FBN1: variants seen among roughly 807,000 people sequenced by gnomAD.
The protein encoded by FBN1 is fibrillin-1.
FBN1 carries 29 observed loss-of-function variants against 365.1 expected under a neutral mutation model. The ratio of observed to expected loss-of-function variants is 0.08; its 90% confidence interval spans 0.06 to 0.11. The LOEUF (loss-of-function observed/expected upper bound fraction) is 0.11, where lower values mean the gene tolerates loss of function less well. Among genes scored for constraint, FBN1 ranks in the 10% least tolerant of loss-of-function variants. FBN1 has a pLI of 1.00. For synonymous variants in FBN1, 1,210 were observed against 1,270.5 expected, an observed-to-expected ratio of 0.95 and a Z score of 1.01; for missense variants, 2,476 against 3,703.2, an observed-to-expected ratio of 0.67 and a Z score of 8.60.
Position 48,494,269 on chromosome 15 carries a change from G to A in FBN1, c.2678-15C>T, listed in dbSNP as rs181681840. 6.0e-4 allele frequency: 968 copies of A among 1,608,328 alleles called. 5 individuals carry two copies. In the African/African-American group the frequency reaches 0.01, roughly 17 times the overall value. ...ACATATGGGATCTGTAATAAAAAGC[G>A]AAAAACAAAACAGAAAACAAATTTG... On this transcript the variant is annotated splice_polypyrimidine_tract_variant and intron_variant, in intron 22 of 65. Coordinates refer to ENST00000316623, the MANE Select transcript of FBN1 (RefSeq NM_000138.5).
chr15:48,585,651 G>T (rs2044429999), intron 6 of FBN1, among the ~76,000 whole-genome samples: 1 of 152,134 alleles, frequency 6.6e-6, no homozygotes, highest in Non-Finnish European at 1.5e-5. Context: ...TCTAAGCTTG[G>T]TAGTGAAATA....
At chr15:48,488,650 T>G (rs2043530735) in intron 25 of FBN1, among the ~76,000 whole-genome samples, 157 bp from the exon 26 acceptor site, 1 of 152,232 alleles carries the variant, frequency 6.6e-6, no homozygotes, top group African/African-American at 2.4e-5. Flanking sequence ...ATGAGATATA[T>G]GACTTTGTAA....
chr15:48,517,388 A>G (rs181398573), intron 10 of FBN1, among the ~76,000 whole-genome samples: 2 of 152,314 alleles, frequency 1.3e-5, no homozygotes, highest in Non-Finnish European at 2.9e-5. Flanking sequence ...AAAGAAAGCA[A>G]TATCAATGGA....
At chr15:48,456,220 G>A (rs1047921939) in intron 44 of FBN1, among the ~76,000 whole-genome samples, 3 of 152,216 alleles carry the variant, frequency 2.0e-5, no homozygotes, top group African/African-American at 7.2e-5. Flanking sequence ...TGGAATATCT[G>A]CATTAACCTT....
In FBN1 at chr15:48,596,367, T is replaced by C; in HGVS notation, c.454A>G (p.Ser152Gly). 1 of 1,613,992 alleles carries C rather than the reference T, an allele frequency of 6.2e-7. No homozygotes were observed. Among genetic ancestry groups the C allele is most frequent in the Non-Finnish European group, 8.5e-7 (1 of 1,179,880 alleles). The stretch of plus-strand genomic sequence containing the variant: ...CACCTTCCTCCATTGAGACAGCCAC[T>C]TTCACAAACAGCTGTAAAATAAGGA... ...GTHCGQPVCESGCLNGGRCVA... is the reference protein window; with the variant it reads ...GTHCGQPVCEGGCLNGGRCVA... The change falls in exon 6 of 66, where the codon AGT becomes GGT. Residue 152 changes from serine (S) to glycine (G), a missense_variant. By Grantham distance (56) the Ser-to-Gly change is moderately conservative (BLOSUM62 0). Transcript: ENST00000316623.
chr15:48,456,973 A>G (rs2043245793), intron 43 of FBN1, among the ~76,000 whole-genome samples: 1 of 151,900 alleles, frequency 6.6e-6, no homozygotes, highest in Non-Finnish European at 1.5e-5. Context: ...ACTGGATTTA[A>G]ATATATGTTC....
At chr15:48,499,518 A>C (rs2043637517) in intron 17 of FBN1, among the ~76,000 whole-genome samples, 1 of 152,188 alleles carries the variant, frequency 6.6e-6, no homozygotes, top group South Asian at 2.1e-4. Context: ...GAGCAACAAC[A>C]GAATACCTAC....
At chr15:48,511,987 A>G (rs189969279) in intron 13 of FBN1, among the ~76,000 whole-genome samples, 25 of 152,364 alleles carry the variant, frequency 1.6e-4, no homozygotes, top group Admixed American at 1.5e-3. Flanking sequence ...ATTAAACAAT[A>G]GTCATAATAT....
In FBN1 at chr15:48,409,414, C is replaced by T. The variant is rs2042843150; in HGVS notation, c.*1576G>A. On this transcript the variant is annotated 3_prime_UTR_variant, in exon 66 of 66. Coordinates refer to ENST00000316623, the MANE Select transcript of FBN1 (RefSeq NM_000138.5). ...CTGTGTCCTACCTAGTTTCTCCGCC[C>T]ACCACCTTCATGCCATCTTATTTCC... The T allele has an allele frequency of 1.3e-5, 2 of 152,178 alleles. No individual in the cohort carries two copies. The highest frequency in any genetic ancestry group is 4.8e-5 in the African/African-American group (2 of 41,448). 9.4% of individuals were successfully genotyped at this position (152,178 alleles called of 1,614,324 possible). A position where few individuals can be genotyped will look rare whatever the true frequency, so the allele number is the denominator to read the frequency against.
intron 10 of FBN1, among the ~76,000 whole-genome samples, chr15:48,520,438 C>G (rs924007672): frequency 1.3e-5 from 2 of 152,118 alleles, no homozygotes; most frequent in African/African-American, 4.8e-5. Context: ...TAGTAATAAG[C>G]CAGCTAAGTA....
In FBN1 at chr15:48,469,389, A is replaced by T. The variant is rs114914666; in HGVS notation, c.4460-855T>A. 5.2e-3 allele frequency among the ~76,000 whole-genome samples: 792 copies of T among 152,168 alleles called. 3 individuals are homozygous for T. The highest frequency in any genetic ancestry group is 0.018 in the African/African-American group (761 of 41,542). ...AGTGTGTTCCCTGAGGTCGGCAAGG[A>T]GTGTCTCTCCCATCATCCATGCTGA... On this transcript the variant is annotated intron_variant, in intron 36 of 65. Transcript: ENST00000316623.
At chr15:48,437,190 T>C in intron 52 of FBN1, 113 bp from the exon 53 acceptor site, 1 of 1,107,578 alleles carries the variant, frequency 9.0e-7, no homozygotes, top group Non-Finnish European at 1.4e-6. Context: ...AATAATATAA[T>C]TGCTATCTAA....
intron 34 of FBN1, among the ~76,000 whole-genome samples, chr15:48,473,671 A>T (rs760473629): frequency 1.9e-4 from 29 of 152,192 alleles, no homozygotes; most frequent in Admixed American, 8.5e-4. Flanking sequence ...GATAATGATG[A>T]TGATGATGGC....
chr15:48,429,292 T>G (rs911825022), intron 56 of FBN1, among the ~76,000 whole-genome samples: 4 of 152,200 alleles, frequency 2.6e-5, no homozygotes, highest in African/African-American at 9.7e-5. Context: ...TAGATTAATC[T>G]TCAGATTAAC....
intron 43 of FBN1, among the ~76,000 whole-genome samples, chr15:48,459,716 G>A (rs2043266665): frequency 6.6e-6 from 1 of 152,228 alleles, no homozygotes; most frequent in African/African-American, 2.4e-5. Flanking sequence ...CTCTCCCAAT[G>A]TTGTGTTCTC....
At chr15:48,434,858 C>T (rs1030598510) in intron 53 of FBN1, 145 bp from the exon 54 acceptor site, 16 of 969,918 alleles carry the variant, frequency 1.6e-5, no homozygotes, top group Non-Finnish European at 2.0e-5. Flanking sequence ...AGTGCTGTGG[C>T]GCGATTTCAG....
At chr15:48,506,937 T>C (rs188560147) in intron 15 of FBN1, among the ~76,000 whole-genome samples, 31 of 152,230 alleles carry the variant, frequency 2.0e-4, no homozygotes, top group Admixed American at 3.9e-4. Flanking sequence ...TCTCTCTCTC[T>C]CAGATCCTTA....
At chr15:48,491,741 C>G (rs2043560530) in intron 24 of FBN1, among the ~76,000 whole-genome samples, 1 of 152,166 alleles carries the variant, frequency 6.6e-6, no homozygotes, top group Non-Finnish European at 1.5e-5. Context: ...GCATCATTTC[C>G]AGAGTCATGA....
chr15:48,487,381 T>C lies in FBN1; in HGVS notation c.3394A>G (p.Thr1132Ala), dbSNP rs2141293669. The C allele has an allele frequency of 1.2e-6, 2 of 1,614,196 alleles. No homozygotes were observed. The highest frequency in any genetic ancestry group is 4.5e-5 in the East Asian group (2 of 44,888). The change falls in exon 28 of 66, where the codon ACA becomes GCA. Residue 1132 changes from threonine (T) to alanine (A), a missense_variant. This residue lies in a region of FBN1 where 1,780 missense variants were observed against 2,840.8 expected (regional missense o/e 0.63). Transcript: ENST00000316623. ...CATTCACAGCGGTAACTTCCCTCTG[T>C]GTTATGGCAAACACCACCTCGGCAT... ...LLCRGGVCHN[T>A]EGSYRCECPP...
Sources: allele counts gnomAD v4.1 joint callset (sites outside exome capture counted in the v4.1 genomes callset), GRCh38; gene constraint gnomAD v4.1.1; regional missense constraint gnomAD v4.1.1; transcripts MANE v1.5; gene names NCBI Gene and HGNC (gene_info 2026-07-23, HGNC 2026-07-21).